Variants in TMTC2 observed in about 807,000 individuals in gnomAD.
TMTC2 encodes protein O-mannosyl-transferase TMTC2.
In TMTC2, 43 loss-of-function variants were observed where a neutral mutation model predicts 82.4. That is an observed-to-expected ratio of 0.52 (90% CI 0.41 to 0.67). The LOEUF is 0.67. Among genes scored for constraint, TMTC2 ranks in the 30% least tolerant of loss-of-function variants. The probability of loss-of-function intolerance (pLI) is 0.00; values close to 1 mark genes in which losing one functional copy is unlikely to be tolerated. For missense variants in TMTC2, 919 were observed against 1,012.4 expected, an observed-to-expected ratio of 0.91 and a Z score of 1.25; for synonymous variants, 408 against 381.9, an observed-to-expected ratio of 1.07 and a Z score of -0.80.
chr12:83,074,905 A>G (rs1883235603), intron 11 of TMTC2, among the ~76,000 whole-genome samples: 1 of 152,092 alleles, frequency 6.6e-6, no homozygotes, highest in Non-Finnish European at 1.5e-5. Context: ...TTCATGCCCC[A>G]TTCAGGTAGT....
At chr12:83,029,303 T>G (rs186774394) in intron 8 of TMTC2, among the ~76,000 whole-genome samples, 131 of 152,182 alleles carry the variant, frequency 8.6e-4, no homozygotes, top group African/African-American at 3.0e-3. Flanking sequence ...CTTAAAACAT[T>G]ATGACAGTTA....
intron 8 of TMTC2, among the ~76,000 whole-genome samples, chr12:83,007,976 G>A (rs1189540039): frequency 6.6e-6 from 1 of 152,148 alleles, no homozygotes; most frequent in Non-Finnish European, 1.5e-5. Context: ...TTTTTGATCA[G>A]AAGTTCACTG....
chr12:83,035,065 A>T (rs1303905910), intron 9 of TMTC2, among the ~76,000 whole-genome samples: 1 of 152,134 alleles, frequency 6.6e-6, no homozygotes, highest in African/African-American at 2.4e-5. Context: ...TGCCAGAGTG[A>T]GTGAGTTTTG....
At chr12:82,883,513 T>C (rs753562676) in intron 2 of TMTC2, among the ~76,000 whole-genome samples, 7 of 152,186 alleles carry the variant, frequency 4.6e-5, no homozygotes, top group Non-Finnish European at 7.3e-5. Context: ...TATCTTAGCC[T>C]CCCCACTGAG....
At chr12:83,048,496 T>C (rs924738559) in intron 9 of TMTC2, among the ~76,000 whole-genome samples, 4 of 152,268 alleles carry the variant, frequency 2.6e-5, no homozygotes, top group African/African-American at 9.6e-5. Flanking sequence ...ACTAAGAAAG[T>C]GATATGAAAC....
intron 1 of TMTC2, among the ~76,000 whole-genome samples, chr12:82,709,873 A>G (rs1183968061): frequency 1.3e-5 from 2 of 152,234 alleles, no homozygotes; most frequent in African/African-American, 4.8e-5. Context: ...CCAAAGAAGA[A>G]ACAATCAATT....
intron 1 of TMTC2, among the ~76,000 whole-genome samples, chr12:82,711,775 C>T (rs1223768325): frequency 6.6e-6 from 1 of 152,152 alleles, no homozygotes; most frequent in East Asian, 1.9e-4. Flanking sequence ...TAAATTTTGC[C>T]TTCACTTTAG....
rs564109740 is a variant in TMTC2 at position 82,890,967 on chromosome 12, T to C, written c.655-4851T>C. Among the ~76,000 whole-genome samples the C allele has an allele frequency of 5.9e-5, 9 of 152,356 alleles. No homozygotes were observed. In the South Asian group the frequency reaches 1.9e-3, roughly 32 times the overall value. ...ACTTTGAAGTCTTATTTTCTTTATA[T>C]GAATTTTTGCTAGTTTTAGCTTGCA... On this transcript the variant is annotated intron_variant, in intron 2 of 11. Coordinates refer to ENST00000321196, the MANE Select transcript of TMTC2 (RefSeq NM_152588.3).
At position 82,890,451 on chromosome 12, in the gene TMTC2, A is replaced by C. The variant is rs146997092; in HGVS notation, c.655-5367A>C. Among the ~76,000 whole-genome samples the C allele has an allele frequency of 1.1e-3, 160 of 152,278 alleles. 1 individual carries two copies. The highest frequency in any genetic ancestry group is 2.5e-3 in the Admixed American group (38 of 15,300). ...ATTCAATTTGTCCCAGAGCCTGAGA[A>C]GGATAATTATTTATGTTTTGTTATG... On this transcript the variant is annotated intron_variant, in intron 2 of 11. Transcript: ENST00000321196.
At chr12:82,810,364 CTT>C (rs1464981635) in intron 1 of TMTC2, among the ~76,000 whole-genome samples, 1 of 150,836 alleles carries the variant, frequency 6.6e-6, no homozygotes, top group Non-Finnish European at 1.5e-5. Flanking sequence ...ACATTACAAA[CTT>C]TTATTTTTAA....
chr12:82,839,969 G>A (rs935311141), intron 1 of TMTC2, among the ~76,000 whole-genome samples: 2 of 152,154 alleles, frequency 1.3e-5, no homozygotes, highest in Non-Finnish European at 1.5e-5. Flanking sequence ...TTTCACATGG[G>A]TGCAGCGTGG....
chr12:82,694,297 TA>T (rs1015686885), intron 1 of TMTC2, among the ~76,000 whole-genome samples: 5 of 151,436 alleles, frequency 3.3e-5, no homozygotes, highest in Admixed American at 6.6e-5. Context: ...TATTCATGTC[TA>T]AAAAAATTAT....
chr12:82,695,351 A>G (rs529873697), intron 1 of TMTC2, among the ~76,000 whole-genome samples: 3 of 152,290 alleles, frequency 2.0e-5, no homozygotes, highest in African/African-American at 4.8e-5. Context: ...TTCTATAAAG[A>G]CACTGAAAGG....
intron 8 of TMTC2, among the ~76,000 whole-genome samples, chr12:83,026,831 A>G (rs749415845): frequency 6.6e-6 from 1 of 151,878 alleles, no homozygotes; most frequent in East Asian, 1.9e-4. Flanking sequence ...TGCCTTGTAC[A>G]TCCACTCAGC....
intron 1 of TMTC2, among the ~76,000 whole-genome samples, chr12:82,815,222 A>C (rs1868624428): frequency 6.7e-6 from 1 of 150,196 alleles, no homozygotes; most frequent in South Asian, 2.1e-4. Flanking sequence ...GATGGAGTGC[A>C]TTGGCGCGAT....
intron 11 of TMTC2, among the ~76,000 whole-genome samples, chr12:83,071,851 A>G (rs1883126787): frequency 6.6e-6 from 1 of 151,870 alleles, no homozygotes; most frequent in Non-Finnish European, 1.5e-5. Flanking sequence ...CAGTTGTAAT[A>G]GCTCCTGTTT....
At chr12:82,901,543 C>T (rs1874021879) in intron 3 of TMTC2, among the ~76,000 whole-genome samples, 1 of 151,816 alleles carries the variant, frequency 6.6e-6, no homozygotes. Flanking sequence ...ACCTCGTGAT[C>T]CACCCGCCTC....
intron 4 of TMTC2, among the ~76,000 whole-genome samples, chr12:82,956,483 A>C (rs1348107940): frequency 1.3e-5 from 2 of 152,060 alleles, no homozygotes; most frequent in Non-Finnish European, 2.9e-5. Flanking sequence ...AGACAGAGTC[A>C]ATGTCACCCA....
intron 11 of TMTC2, among the ~76,000 whole-genome samples, chr12:83,104,977 T>C (rs1473244808): frequency 6.6e-6 from 1 of 152,220 alleles, no homozygotes; most frequent in Non-Finnish European, 1.5e-5. Context: ...TTGAACACTT[T>C]ACTGCTTAGA....
Sources: allele counts gnomAD v4.1 joint callset (sites outside exome capture counted in the v4.1 genomes callset), GRCh38; gene constraint gnomAD v4.1.1; transcripts MANE v1.5; gene names NCBI Gene and HGNC (gene_info 2026-07-23, HGNC 2026-07-21).